The following ZFPM2 variants were observed in gnomAD, a reference collection of about 807,000 sequenced individuals.
The protein encoded by ZFPM2 is zinc finger protein ZFPM2.
Under a neutral mutation model 98.6 loss-of-function variants are expected in ZFPM2, and 20 were observed. That is an observed-to-expected ratio of 0.20 (90% confidence interval 0.14 to 0.29). ZFPM2 has a LOEUF of 0.29. ZFPM2 is among the 10% of genes least tolerant of loss of function. ZFPM2 has a pLI of 1.00. For missense variants in ZFPM2, 1,310 were observed against 1,388.6 expected (o/e 0.94, Z 0.90); for synonymous variants, 518 against 502.7 (o/e 1.03, Z -0.41).
chr8:105,733,492 T>C (rs2131018412), intron 5 of ZFPM2, among the ~76,000 whole-genome samples: 1 of 151,976 alleles, frequency 6.6e-6, no homozygotes, highest in African/African-American at 2.4e-5. Flanking sequence ...CTGGAATTTG[T>C]GTTTCAAAAT....
intron 4 of ZFPM2, among the ~76,000 whole-genome samples, chr8:105,607,079 C>T (rs1440084569): frequency 6.6e-6 from 1 of 152,160 alleles, no homozygotes; most frequent in East Asian, 1.9e-4. Context: ...AAGATTTCTA[C>T]ATAGGTCCCC....
At chr8:105,421,408 A>G (rs1253083460) in intron 2 of ZFPM2, among the ~76,000 whole-genome samples, 1 of 152,152 alleles carries the variant, frequency 6.6e-6, no homozygotes, top group African/African-American at 2.4e-5. Flanking sequence ...GGTGGGAATA[A>G]CAATTCCTGT....
chr8:105,488,369 A>G (rs1399400472), intron 3 of ZFPM2, among the ~76,000 whole-genome samples: 1 of 152,210 alleles, frequency 6.6e-6, no homozygotes, highest in Non-Finnish European at 1.5e-5. Context: ...GCTGCTTGTT[A>G]GGAAGATGAG....
At chr8:105,675,720 T>A (rs1810432489) in intron 5 of ZFPM2, among the ~76,000 whole-genome samples, 1 of 152,072 alleles carries the variant, frequency 6.6e-6, no homozygotes, top group African/African-American at 2.4e-5. Flanking sequence ...AGGAGGAAGC[T>A]CTAAATATCA....
intron 4 of ZFPM2, among the ~76,000 whole-genome samples, chr8:105,595,639 G>A (rs1245562189): frequency 2.0e-5 from 3 of 152,036 alleles, no homozygotes; most frequent in African/African-American, 4.8e-5. Context: ...GGTGAAACAC[G>A]GCTAGTAGTA....
At chr8:105,774,129 A>G (rs1813044082) in intron 5 of ZFPM2, among the ~76,000 whole-genome samples, 1 of 152,122 alleles carries the variant, frequency 6.6e-6, no homozygotes, top group South Asian at 2.1e-4. Flanking sequence ...TCCATAATCT[A>G]TGCAGAAAAT....
At chr8:105,546,920 C>T (rs1416886964) in intron 3 of ZFPM2, among the ~76,000 whole-genome samples, 1 of 152,058 alleles carries the variant, frequency 6.6e-6, no homozygotes, top group Non-Finnish European at 1.5e-5. Context: ...ATATTTTCTC[C>T]TTATTATCTA....
At chr8:105,532,836 A>G (rs1358902677) in intron 3 of ZFPM2, among the ~76,000 whole-genome samples, 1 of 150,590 alleles carries the variant, frequency 6.6e-6, no homozygotes, top group African/African-American at 2.5e-5. Context: ...GAAACTAGAA[A>G]GTAAGAGAGA....
chr8:105,609,159 G>C (rs570240385), intron 4 of ZFPM2, among the ~76,000 whole-genome samples: 1 of 152,184 alleles, frequency 6.6e-6, no homozygotes, highest in African/African-American at 2.4e-5. Context: ...GGAGGGGAGC[G>C]AGGTTAATTG....
chr8:105,336,346 T>C (rs1286459484), intron 1 of ZFPM2, among the ~76,000 whole-genome samples: 1 of 151,714 alleles, frequency 6.6e-6, no homozygotes, highest in Admixed American at 6.6e-5. Context: ...ACTGATAAAC[T>C]TTTCTAGATT....
intron 4 of ZFPM2, among the ~76,000 whole-genome samples, chr8:105,628,916 A>T (rs1816707847): frequency 6.8e-6 from 1 of 147,362 alleles, no homozygotes; most frequent in African/African-American, 2.5e-5. Flanking sequence ...ATGAAAAAGC[A>T]AAGGACCCAC....
chr8:105,682,825 T>C (rs1404036806), intron 5 of ZFPM2, among the ~76,000 whole-genome samples: 1 of 152,088 alleles, frequency 6.6e-6, no homozygotes, highest in African/African-American at 2.4e-5. Context: ...ACATAAGTAG[T>C]TTATTGGTAG....
chr8:105,545,719 G>C (rs1178402978), intron 3 of ZFPM2, among the ~76,000 whole-genome samples: 1 of 152,046 alleles, frequency 6.6e-6, no homozygotes, highest in African/African-American at 2.4e-5. Context: ...AGTAAATGCT[G>C]TAAGTTTTAT....
chr8:105,419,525 G>T (rs1396524196), intron 2 of ZFPM2, among the ~76,000 whole-genome samples: 4 of 151,954 alleles, frequency 2.6e-5, no homozygotes, highest in African/African-American at 4.8e-5. Flanking sequence ...ATGTTGATTG[G>T]CCAATTAACT....
At chr8:105,621,338 A>C (rs1353591907) in intron 4 of ZFPM2, among the ~76,000 whole-genome samples, 26 of 151,994 alleles carry the variant, frequency 1.7e-4, no homozygotes, top group Admixed American at 1.7e-3. Context: ...GTCTGTTATT[A>C]GTGTATAGGA....
At chr8:105,407,028 G>A (rs1382107769) in intron 1 of ZFPM2, among the ~76,000 whole-genome samples, 2 of 151,638 alleles carry the variant, frequency 1.3e-5, no homozygotes, top group Non-Finnish European at 2.9e-5. Flanking sequence ...AGGTGAATGA[G>A]TATTTCCTTC....
In ZFPM2 at chr8:105,458,809, A is replaced by G. The variant is rs1339603387; in HGVS notation, c.301+14428A>G. 3.9e-5 allele frequency among the ~76,000 whole-genome samples: 6 copies of G among 152,124 alleles called. No homozygotes were observed. In the East Asian group the frequency reaches 1.2e-3, roughly 29 times the overall value. On this transcript the variant is annotated intron_variant, in intron 3 of 7. Transcript: ENST00000407775. The stretch of plus-strand genomic sequence containing the variant: ...TTGCTCTTTCAGTTCTATTTTTTTA[A>G]TTAGATGTTTTCCAGAACATTATCA...
chr8:105,732,404 G>T (rs763529371), intron 5 of ZFPM2, among the ~76,000 whole-genome samples: 7 of 151,746 alleles, frequency 4.6e-5, no homozygotes, highest in Non-Finnish European at 1.0e-4. Flanking sequence ...GAAACTTCTG[G>T]ATTAAATATG....
intron 5 of ZFPM2, among the ~76,000 whole-genome samples, chr8:105,719,086 G>A (rs1399210842): frequency 6.6e-6 from 1 of 151,734 alleles, no homozygotes; most frequent in East Asian, 1.9e-4. Context: ...TTTTAACCAC[G>A]TTCTAGTTTT....
Sources: gnomAD v4.1 joint callset for allele counts (sites outside exome capture counted in the v4.1 genomes callset) on GRCh38, gnomAD v4.1.1 for gene constraint, MANE v1.5 for transcripts, NCBI Gene and HGNC (gene_info 2026-07-23, HGNC 2026-07-21) for gene names.